DGKB: variants seen among roughly 807,000 people sequenced by gnomAD.
The protein encoded by DGKB is 90 kDa diacylglycerol kinase.
Under a neutral mutation model 114.3 loss-of-function variants are expected in DGKB, and 67 were observed. The ratio of observed to expected loss-of-function variants is 0.59; its 90% CI spans 0.48 to 0.72. DGKB has a LOEUF of 0.72. Ranked by LOEUF, DGKB falls within the 30% of genes least tolerant of loss-of-function variation. The pLI is 0.00. For synonymous variants in DGKB, 398 were observed against 323.1 expected (o/e 1.23, Z -2.49); for missense variants, 907 against 975.2 (o/e 0.93, Z 0.93).
intron 20 of DGKB, among the ~76,000 whole-genome samples, chr7:14,503,912 C>A (rs1241879449): frequency 6.6e-6 from 1 of 152,118 alleles, no homozygotes; most frequent in Non-Finnish European, 1.5e-5. Flanking sequence ...CAGATGGAAG[C>A]TAAACTAGCT....
chr7:14,265,740 A>G (rs1443331535), intron 23 of DGKB, among the ~76,000 whole-genome samples: 1 of 152,190 alleles, frequency 6.6e-6, no homozygotes, highest in African/African-American at 2.4e-5. Context: ...CATGGTTGAC[A>G]ACAGTATCTG....
chr7:14,288,254 GAAA>G (rs11314793), intron 23 of DGKB, among the ~76,000 whole-genome samples: 4 of 67,734 alleles, frequency 5.9e-5, no homozygotes, highest in African/African-American at 1.0e-4. Context: ...TTTGTTAAAA[GAAA>G]AAAAAAAAAA....
intron 23 of DGKB, among the ~76,000 whole-genome samples, chr7:14,274,963 G>T (rs1013122901): frequency 9.5e-5 from 14 of 147,514 alleles, no homozygotes; most frequent in Non-Finnish European, 2.0e-4. Context: ...GTGTGTGTGT[G>T]TGTGTGTGTG....
Position 14,747,775 on chromosome 7 carries a change from G to GCGCGCGCGCACACACA in DGKB, c.168+6152_168+6153insTGTGTGTGCGCGCGCG. ...GCTGTGGGCTCAAACACATCCACGC[G>GCGCGCGCGCACACACA]CACGCACACACACACACACACACAC... On this transcript the variant is annotated intron_variant, in intron 4 of 25. Coordinates refer to ENST00000402815, the MANE Select transcript of DGKB (RefSeq NM_001350709.2). Among the ~76,000 whole-genome samples, 644 of 149,276 alleles carry GCGCGCGCGCACACACA rather than the reference G, an allele frequency of 4.3e-3. 3 individuals are homozygous for GCGCGCGCGCACACACA. Among genetic ancestry groups the GCGCGCGCGCACACACA allele is most frequent in the Middle Eastern group, 0.021 (6 of 284 alleles).
chr7:14,628,053 C>T (rs1386882152), intron 14 of DGKB, among the ~76,000 whole-genome samples: 2 of 152,088 alleles, frequency 1.3e-5, no homozygotes, highest in Admixed American at 6.6e-5. Flanking sequence ...CCACAGTAAA[C>T]TGAAAGTAAG....
Position 14,689,871 on chromosome 7 carries a change from G to A in DGKB, c.711+4204C>T, listed in dbSNP as rs561354799. Among the ~76,000 whole-genome samples, 15 of 152,232 alleles carry A rather than the reference G, an allele frequency of 9.9e-5. No individual in the cohort carries two copies. The South Asian group carries it at 2.7e-3, about 27-fold the overall frequency. On this transcript the variant is annotated intron_variant, in intron 9 of 25. Coordinates refer to ENST00000402815, the MANE Select transcript of DGKB (RefSeq NM_001350709.2). ...CAGGAATTTCATCAGAGAACACACT[G>A]CATATTACTTTACTGAGAGTCAAGA...
At chr7:14,824,224 G>C (rs574306149) in intron 2 of DGKB, among the ~76,000 whole-genome samples, 23 of 152,254 alleles carry the variant, frequency 1.5e-4, no homozygotes, top group African/African-American at 4.3e-4. Context: ...TGAGATTTGG[G>C]TGGAGACACA....
intron 1 of DGKB, among the ~76,000 whole-genome samples, chr7:14,955,717 T>G (rs1287954121): frequency 6.6e-6 from 1 of 152,068 alleles, no homozygotes; most frequent in Non-Finnish European, 1.5e-5. Flanking sequence ...ATAAACCTAG[T>G]TAAAATATCT....
In DGKB at chr7:14,478,153, C is replaced by T; in HGVS notation, c.1835+8G>A. ...ATATCTATAATTTCATCTCTTTTGT[C>T]ACCTTACCTACTGTTGAATTTCTCT... On this transcript the variant is annotated splice_region_variant and intron_variant, in intron 21 of 25. Coordinates refer to ENST00000402815, the MANE Select transcript of DGKB (RefSeq NM_001350709.2). 2.5e-6 allele frequency: 4 copies of T among 1,584,052 alleles called. No individual in the cohort carries two copies. In the East Asian group the frequency reaches 9.0e-5, roughly 36 times the overall value.
intron 17 of DGKB, among the ~76,000 whole-genome samples, chr7:14,584,747 C>T (rs1295052403): frequency 3.3e-5 from 5 of 152,050 alleles, no homozygotes; most frequent in Non-Finnish European, 7.4e-5. Flanking sequence ...CAACCTCCTC[C>T]TCCTGGGTTC....
At chr7:14,273,924 T>A (rs979720) in intron 23 of DGKB, among the ~76,000 whole-genome samples, 134,227 of 152,280 alleles carry the variant, frequency 0.88, 59,471 homozygotes, top group African/African-American at 0.97. Flanking sequence ...AATACCTAAG[T>A]TTATTTACAA....
intron 22 of DGKB, among the ~76,000 whole-genome samples, chr7:14,342,403 G>C (rs1398080161): frequency 1.3e-5 from 2 of 151,572 alleles, no homozygotes; most frequent in African/African-American, 4.8e-5. Context: ...AGTTTCTTAG[G>C]CACACATTTC....
At chr7:14,965,660 T>A (rs1787107153) in intron 1 of DGKB, among the ~76,000 whole-genome samples, 1 of 152,082 alleles carries the variant, frequency 6.6e-6, no homozygotes, top group Non-Finnish European at 1.5e-5. Context: ...CACACAGAAA[T>A]GAAATAGAAC....
At chr7:14,646,218 A>G (rs1224968194) in intron 13 of DGKB, among the ~76,000 whole-genome samples, 2 of 152,194 alleles carry the variant, frequency 1.3e-5, no homozygotes, top group South Asian at 2.1e-4. Flanking sequence ...AGGCAGGATT[A>G]TCTATATTTG....
chr7:14,853,797 G>A (rs1029646106), intron 1 of DGKB, among the ~76,000 whole-genome samples: 1 of 147,354 alleles, frequency 6.8e-6, no homozygotes, highest in Non-Finnish European at 1.5e-5. Context: ...GAACCCACGA[G>A]GCGGAGCTTG....
At chr7:14,452,073 C>G (rs368612930) in intron 21 of DGKB, among the ~76,000 whole-genome samples, 2 of 152,168 alleles carry the variant, frequency 1.3e-5, no homozygotes, top group East Asian at 3.9e-4. Flanking sequence ...GAAAGGTACA[C>G]CTGTTTTTGA....
intron 21 of DGKB, among the ~76,000 whole-genome samples, chr7:14,377,871 G>C (rs1302436092): frequency 6.6e-6 from 1 of 152,142 alleles, no homozygotes; most frequent in African/African-American, 2.4e-5. Flanking sequence ...GTTTGGGATT[G>C]TCCCATCAAA....
intron 20 of DGKB, among the ~76,000 whole-genome samples, chr7:14,505,036 A>T (rs900922416): frequency 1.3e-5 from 2 of 152,218 alleles, no homozygotes; most frequent in African/African-American, 4.8e-5. Context: ...ATAAAGCTCT[A>T]CGGTGCTATC....
chr7:14,912,312 A>C (rs1784041445), intron 1 of DGKB, among the ~76,000 whole-genome samples: 1 of 152,162 alleles, frequency 6.6e-6, no homozygotes, highest in African/African-American at 2.4e-5. Context: ...TTAGTTAGTC[A>C]ACTACTTCAT....
Sources: gnomAD v4.1 joint callset for allele counts (sites outside exome capture counted in the v4.1 genomes callset) on GRCh38, gnomAD v4.1.1 for gene constraint, MANE v1.5 for transcripts, NCBI Gene and HGNC (gene_info 2026-07-23, HGNC 2026-07-21) for gene names.